ARAP2: variants seen among roughly 807,000 people sequenced by gnomAD.
ARAP2 encodes ArfGAP with RhoGAP domain, ankyrin repeat and PH domain 2.
A neutral mutation model predicts 194.5 loss-of-function variants in ARAP2; 148 were observed. That is an observed-to-expected ratio of 0.76 (90% confidence interval 0.67 to 0.87). ARAP2 has a LOEUF of 0.87. Among genes scored for constraint, ARAP2 ranks in the 40% least tolerant of loss-of-function variants. The pLI is 0.00. For missense variants in ARAP2, 2,128 were observed against 1,989.7 expected (o/e 1.07, Z -1.32); for synonymous variants, 695 against 683.5 (o/e 1.02, Z -0.26).
At chr4:36,222,820 T>G (rs1228545275) in intron 2 of ARAP2, among the ~76,000 whole-genome samples, 1 of 152,168 alleles carries the variant, frequency 6.6e-6, no homozygotes, top group Non-Finnish European at 1.5e-5. Flanking sequence ...TAATTTTGTC[T>G]TAATATTTTT....
At chr4:36,021,977 A>G (rs141472158) in intron 5 of ARAP2, among the ~76,000 whole-genome samples, 170 of 152,274 alleles carry the variant, frequency 1.1e-3, no homozygotes, top group African/African-American at 3.6e-3. Context: ...AGTATAGCCT[A>G]TTTCTCCCAG....
At chr4:36,102,344 G>A (rs41411251) in intron 27 of ARAP2, among the ~76,000 whole-genome samples, 3,904 of 151,946 alleles carry the variant, frequency 0.026, 175 homozygotes, top group African/African-American at 0.088. Flanking sequence ...CAGCTTTCAT[G>A]GTAATGATCT....
chr4:36,060,793 TCCC>T (rs139012688), intron 1 of ARAP2, among the ~76,000 whole-genome samples: 2,722 of 152,276 alleles, frequency 0.018, 36 homozygotes, highest in South Asian at 0.038. Flanking sequence ...TGGCTGGGCA[TCCC>T]CAGTGTCTCT....
chr4:36,196,201 T>C (rs1196788875), intron 6 of ARAP2, among the ~76,000 whole-genome samples: 1 of 152,194 alleles, frequency 6.6e-6, no homozygotes, highest in East Asian at 1.9e-4. Context: ...CTGCAGCCAC[T>C]CCAACACTTA....
At chr4:36,137,038 G>A (rs1727007270) in intron 19 of ARAP2, among the ~76,000 whole-genome samples, 1 of 151,746 alleles carries the variant, frequency 6.6e-6, no homozygotes, top group African/African-American at 2.4e-5. Flanking sequence ...TTCATCACTG[G>A]AGTATAACAA....
chr4:36,018,619 T>C lies in ARAP2; in HGVS notation n.750+525A>G, dbSNP rs371412050. 1.6e-4 allele frequency among the ~76,000 whole-genome samples: 25 copies of C among 152,320 alleles called. No individual in the cohort carries two copies. The East Asian group carries it at 1.9e-3, about 12-fold the overall frequency. On this transcript the variant is annotated intron_variant and non_coding_transcript_variant, in intron 6 of 12. Transcript: ENST00000503225. ...TAAATTGTGTGAACACTTATATTCATGCAAATATGAGTAAGACTGATTATT... is the reference window on the plus strand; with the variant it reads ...TAAATTGTGTGAACACTTATATTCACGCAAATATGAGTAAGACTGATTATT...
chr4:36,168,986 T>G (rs921044605), intron 9 of ARAP2, among the ~76,000 whole-genome samples: 10 of 152,200 alleles, frequency 6.6e-5, no homozygotes. Context: ...TCCCCAATTA[T>G]CCACAGCTAT....
chr4:36,184,903 TG>T (rs1214328760), intron 8 of ARAP2, among the ~76,000 whole-genome samples: 1 of 152,184 alleles, frequency 6.6e-6, no homozygotes, highest in Admixed American at 6.5e-5. Flanking sequence ...TGATTTCAAA[TG>T]GAACTCTCAT....
intron 19 of ARAP2, among the ~76,000 whole-genome samples, chr4:36,142,198 T>G (rs894225975): frequency 1.3e-5 from 2 of 151,722 alleles, no homozygotes; most frequent in East Asian, 3.9e-4. Context: ...CACTACCACA[T>G]GGAGAAAACT....
chr4:36,179,475 A>T (rs1738727545), intron 8 of ARAP2, among the ~76,000 whole-genome samples: 1 of 152,216 alleles, frequency 6.6e-6, no homozygotes, highest in South Asian at 2.1e-4. Flanking sequence ...TATGTGAACA[A>T]CAGTAACCTG....
chr4:36,164,936 A>G lies in ARAP2; in HGVS notation c.2151T>C (p.Val717=), dbSNP rs776537472. 3 of 1,614,106 alleles carry G rather than the reference A, an allele frequency of 1.9e-6. No homozygotes were observed. Among genetic ancestry groups the G allele is most frequent in the Non-Finnish European group, 2.5e-6 (3 of 1,179,934 alleles). ...DPDWASINLC[V]VICKKCAGQH... ...TACCTGCACACTTCTTACAGATGAC[A>G]ACACAGAGATTGATGGATGCCCAGT... Residue 717 remains valine, a synonymous_variant, in exon 11 of 33, where the codon GTT becomes GTC. Coordinates refer to ENST00000303965, the MANE Select transcript of ARAP2 (RefSeq NM_015230.4).
intron 26 of ARAP2, among the ~76,000 whole-genome samples, chr4:36,108,363 T>A (rs977211681): frequency 6.6e-6 from 1 of 152,026 alleles, no homozygotes; most frequent in African/African-American, 2.4e-5. Context: ...AAGATCAAAC[T>A]CATAATTTTG....
Position 36,229,188 on chromosome 4 carries a change from T to C in ARAP2, c.299A>G (p.Gln100Arg), listed in dbSNP as rs769801330. 4 of 1,614,056 alleles carry C rather than the reference T, an allele frequency of 2.5e-6. No individual in the cohort carries two copies. Among genetic ancestry groups the C allele is most frequent in the African/African-American group, 1.3e-5 (1 of 74,952 alleles). The change falls in exon 2 of 33, where the codon CAG (glutamine) becomes CGG (arginine). Residue 100 changes from glutamine to arginine, a missense_variant. By Grantham distance (43) the Gln-to-Arg change is conservative. Coordinates refer to ENST00000303965, the MANE Select transcript of ARAP2 (RefSeq NM_015230.4). ...SKDYHVPSSD[Q>R]NICIELSNSG... ...ATTGGAAAGTTCTATGCAGATATTC[T>C]GATCAGAAGATGGAACATGGTAATC...
chr4:36,163,751 A>G (rs887396689), intron 11 of ARAP2, among the ~76,000 whole-genome samples: 1 of 152,148 alleles, frequency 6.6e-6, no homozygotes, highest in African/African-American at 2.4e-5. Context: ...CTAAGGAGGG[A>G]AGAAAGAAAG....
intron 15 of ARAP2, among the ~76,000 whole-genome samples, chr4:36,154,712 C>T (rs1476096195): frequency 6.6e-6 from 1 of 152,114 alleles, no homozygotes; most frequent in East Asian, 1.9e-4. Context: ...AATTTGAAGC[C>T]TCTGTAACTC....
At chr4:36,134,210 A>G (rs1220284546) in intron 19 of ARAP2, among the ~76,000 whole-genome samples, 1 of 151,786 alleles carries the variant, frequency 6.6e-6, no homozygotes, top group Non-Finnish European at 1.5e-5. Flanking sequence ...TAATGTATAA[A>G]CTATACTACT....
chr4:36,009,600 A>G (rs1442322196), intron 9 of ARAP2, among the ~76,000 whole-genome samples: 1 of 152,090 alleles, frequency 6.6e-6, no homozygotes, highest in African/African-American at 2.4e-5. Flanking sequence ...AACATCACAC[A>G]ATATACCTTT....
At chr4:36,016,083 A>G (rs949024565) in intron 6 of ARAP2, 4 of 152,226 alleles carry the variant, frequency 2.6e-5, no homozygotes, top group African/African-American at 4.8e-5. Flanking sequence ...ATTAGAGTAC[A>G]TGCATAAGCC....
intron 17 of ARAP2, 42 bp downstream of exon 17, chr4:36,148,363 A>G: frequency 6.7e-7 from 1 of 1,486,268 alleles, no homozygotes; most frequent in Non-Finnish European, 9.3e-7. Flanking sequence ...CCCAGTTCAC[A>G]ATCTTCTCTG....
Sources: allele counts gnomAD v4.1 joint callset (sites outside exome capture counted in the v4.1 genomes callset), GRCh38; gene constraint gnomAD v4.1.1; transcripts MANE v1.5; gene names NCBI Gene and HGNC (gene_info 2026-07-23, HGNC 2026-07-21).